DENND2B: variants seen among roughly 807,000 people sequenced by gnomAD.
The protein encoded by DENND2B is DENN domain containing 2B, also known as DENN domain-containing protein 2B.
Under a neutral mutation model 116.0 loss-of-function variants are expected in DENND2B, and 32 were observed. The observed-to-expected ratio is 0.28, with a 90% CI of 0.21 to 0.37. DENND2B has a LOEUF of 0.37. DENND2B is among the 10% of genes least tolerant of loss of function. The pLI is 1.00. For missense variants in DENND2B, 1,276 were observed against 1,477.7 expected, an observed-to-expected ratio of 0.86 and a Z score of 2.24; for synonymous variants, 588 against 583.9, an observed-to-expected ratio of 1.01 and a Z score of -0.10.
rs1014117348 is a variant in DENND2B at position 8,900,055 on chromosome 11, C to T, written c.-256+10766G>A. Among the ~76,000 whole-genome samples, 8 of 152,196 alleles carry T rather than the reference C, an allele frequency of 5.3e-5. No individual in the cohort carries two copies. The East Asian group carries it at 1.4e-3, about 26-fold the overall frequency. On this transcript the variant is annotated intron_variant, in intron 1 of 22. Transcript: ENST00000534127. ...CCTGTAATCTCAGCACTTTAGGAGG[C>T]CGAGATGGGTGGACTGTTTGAGCCC...
At chr11:8,738,587 T>C (rs2049562131) in intron 2 of DENND2B, among the ~76,000 whole-genome samples, 1 of 152,196 alleles carries the variant, frequency 6.6e-6, no homozygotes, top group Non-Finnish European at 1.5e-5. Context: ...CTCTCAGATG[T>C]GTCCCCCTCC....
chr11:8,910,632 AGT>A (rs375346719), intron 1 of DENND2B, among the ~76,000 whole-genome samples: 8 of 64,162 alleles, frequency 1.2e-4, no homozygotes, highest in Non-Finnish European at 2.1e-4. Flanking sequence ...ACTCCTGGCT[AGT>A]GTGTGTGTGT....
At chr11:8,699,845 G>A (rs1201758309) in intron 14 of DENND2B, 1 of 456,536 alleles carries the variant, frequency 2.2e-6, no homozygotes, top group Non-Finnish European at 4.4e-6. Context: ...ATCATGAGCT[G>A]GCTGGACCTA....
At chr11:8,802,017 A>G (rs61876183) in intron 1 of DENND2B, among the ~76,000 whole-genome samples, 6 of 124,568 alleles carry the variant, frequency 4.8e-5, no homozygotes, top group African/African-American at 6.0e-5. Flanking sequence ...AAAAAAAAAA[A>G]GGGCCGGGTG....
At chr11:8,697,683 A>G (rs753890997) in intron 16 of DENND2B, 47 bp from the exon 17 acceptor site, 94 of 1,286,758 alleles carry the variant, frequency 7.3e-5, no homozygotes, top group Admixed American at 5.0e-5. Context: ...GACACTGAGC[A>G]CTTACTATGT....
At chr11:8,850,533 G>A (rs1057081728) in intron 3 of DENND2B, among the ~76,000 whole-genome samples, 1 of 151,194 alleles carries the variant, frequency 6.6e-6, no homozygotes, top group Non-Finnish European at 1.5e-5. Flanking sequence ...CCACCAAAAC[G>A]ACAAAAGATA....
intron 14 of DENND2B, 84 bp from the exon 15 acceptor site, chr11:8,699,474 C>T (rs1310967412): frequency 2.8e-5 from 38 of 1,377,320 alleles, no homozygotes; most frequent in Middle Eastern, 5.0e-4. Context: ...AGCCTTTGAT[C>T]GTAAACCTCC....
chr11:8,787,134 C>T (rs2058984952), intron 1 of DENND2B: 1 of 152,172 alleles, frequency 6.6e-6, no homozygotes, highest in Admixed American at 6.5e-5. Flanking sequence ...ATTCGCATTC[C>T]TTCCACTATG....
chr11:8,802,182 T>C (rs2060409952), intron 1 of DENND2B, among the ~76,000 whole-genome samples: 1 of 151,002 alleles, frequency 6.6e-6, no homozygotes. Flanking sequence ...ACACCTGTAG[T>C]CCCAGCTACT....
In DENND2B at chr11:8,702,483, C is replaced by T. The variant is rs533861181; in HGVS notation, c.2720+89G>A. Reference sequence around the variant, plus strand: ...GCCCCACTCCAGCACTGGTCTCCGGCGCCTGCTTAGGCTCCTGAACACTTG... The same window carrying T: ...GCCCCACTCCAGCACTGGTCTCCGGTGCCTGCTTAGGCTCCTGAACACTTG... On this transcript the variant is annotated intron_variant, in intron 14 of 19. Transcript: ENST00000313726. This position sits in a 1 kb window ranked among gnomAD's most constrained non-coding sequence, Gnocchi z 4.6. The T allele has an allele frequency of 3.6e-5, 57 of 1,566,562 alleles. No homozygotes were observed. The highest frequency in any genetic ancestry group is 3.4e-4 in the Middle Eastern group (2 of 5,964).
chr11:8,881,882 T>C (rs866457757), intron 1 of DENND2B, among the ~76,000 whole-genome samples: 2 of 152,196 alleles, frequency 1.3e-5, no homozygotes, highest in African/African-American at 4.8e-5. Flanking sequence ...TAGAGCATCT[T>C]GAGCTTCTTA....
At chr11:8,843,251 G>A (rs549728861) in intron 3 of DENND2B, among the ~76,000 whole-genome samples, 3 of 152,072 alleles carry the variant, frequency 2.0e-5, no homozygotes, top group Admixed American at 6.6e-5. Context: ...CAGGTGATTC[G>A]CCCACCTCGG....
At chr11:8,718,865 T>A in intron 4 of DENND2B, 1 of 995,040 alleles carries the variant, frequency 1.0e-6, no homozygotes, top group Non-Finnish European at 1.2e-6. Context: ...AACACACACA[T>A]TTTCTAAAAT....
Position 8,707,296 on chromosome 11 carries a change from G to C in DENND2B, c.2431-71C>G. ...TGCCCTTCCCCCTCCTGGCAGAGAA[G>C]AGGGCAGCCAAGCATCTGACCAGGC... On this transcript the variant is annotated intron_variant, in intron 12 of 19. Transcript: ENST00000313726. The surrounding 1 kb of genome is among the most constrained non-coding windows in gnomAD (Gnocchi z 4.8). 1 of 1,550,854 alleles carries C rather than the reference G, an allele frequency of 6.4e-7. No homozygotes were observed. Among genetic ancestry groups the C allele is most frequent in the Non-Finnish European group, 8.7e-7 (1 of 1,145,950 alleles).
At chr11:8,700,850 C>CA (rs1179603499) in intron 14 of DENND2B, among the ~76,000 whole-genome samples, 1 of 152,022 alleles carries the variant, frequency 6.6e-6, no homozygotes, top group East Asian at 1.9e-4. Context: ...TATTTTGAGA[C>CA]AGAGTGTCAC....
chr11:8,748,158 C>G (rs1404349072), intron 2 of DENND2B, among the ~76,000 whole-genome samples: 1 of 152,128 alleles, frequency 6.6e-6, no homozygotes, highest in Non-Finnish European at 1.5e-5. Context: ...TTTCCAAGGC[C>G]CCAACACCCT....
intron 4 of DENND2B, among the ~76,000 whole-genome samples, chr11:8,723,898 C>T: frequency 6.6e-6 from 1 of 152,252 alleles, no homozygotes; most frequent in East Asian, 1.9e-4. Flanking sequence ...TGTCCCTGCA[C>T]ATCCCAGCAT....
At chr11:8,699,779 C>A in intron 14 of DENND2B, 1 of 446,466 alleles carries the variant, frequency 2.2e-6, no homozygotes, top group Non-Finnish European at 4.5e-6. Context: ...CACCCCACAT[C>A]AGAACTAGGC....
chr11:8,740,196 A>T (rs1294366576), intron 2 of DENND2B, among the ~76,000 whole-genome samples: 4 of 140,530 alleles, frequency 2.8e-5, no homozygotes, highest in African/African-American at 5.2e-5. Flanking sequence ...CTCAAAAATT[A>T]AAAAAAAAAA....
Sources: allele counts gnomAD v4.1 joint callset (sites outside exome capture counted in the v4.1 genomes callset), GRCh38; gene constraint gnomAD v4.1.1; non-coding constraint Gnocchi (gnomAD v3.1); transcripts MANE v1.5; gene names NCBI Gene and HGNC (gene_info 2026-07-23, HGNC 2026-07-21).